SYT1: variants seen among roughly 807,000 people sequenced by gnomAD.
The protein encoded by SYT1 is synaptotagmin 1.
A neutral mutation model predicts 44.8 loss-of-function variants in SYT1; 8 were observed. That is an observed-to-expected ratio of 0.18 (90% CI 0.10 to 0.32). The LOEUF is 0.32. Ranked by LOEUF, SYT1 falls within the 10% of genes least tolerant of loss-of-function variation. The probability of loss-of-function intolerance (pLI) is 1.00; values close to 1 mark genes in which losing one functional copy is unlikely to be tolerated. For missense variants in SYT1, 286 were observed against 509.3 expected, an observed-to-expected ratio of 0.56 and a Z score of 4.22; for synonymous variants, 154 against 188.8, an observed-to-expected ratio of 0.82 and a Z score of 1.51.
At position 79,053,021 on chromosome 12, in the gene SYT1, G is replaced by T. The variant is rs557850096; in HGVS notation, c.-18+5659G>T. ...ACCATTACTGGGTATACACCCAAAG[G>T]ATTATAAATCATGCTGCTATAAAGA... On this transcript the variant is annotated intron_variant, in intron 3 of 10. Transcript: ENST00000261205. 7.2e-5 allele frequency among the ~76,000 whole-genome samples: 11 copies of T among 152,208 alleles called. No homozygotes were observed. In the South Asian group the frequency reaches 2.1e-3, roughly 29 times the overall value.
At position 79,237,489 on chromosome 12, in the gene SYT1, G is replaced by A. The variant is rs75624588; in HGVS notation, c.166+19804G>A. ...CTGTCAAAGACTATTGGGTAAAGTA[G>A]AACAGCAGTGTGTCATGGAAGCTAA... On this transcript the variant is annotated intron_variant, in intron 4 of 10. Transcript: ENST00000261205. 2.5e-3 allele frequency among the ~76,000 whole-genome samples: 383 copies of A among 152,262 alleles called. 4 individuals are homozygous for A. Among genetic ancestry groups the A allele is most frequent in the East Asian group, 0.021 (109 of 5,184 alleles).
chr12:79,223,900 C>G (rs1477398489), intron 4 of SYT1, among the ~76,000 whole-genome samples: 1 of 152,196 alleles, frequency 6.6e-6, no homozygotes, highest in Non-Finnish European at 1.5e-5. Context: ...TCGCTTCCCT[C>G]TCTTTCCCCC....
intron 9 of SYT1, among the ~76,000 whole-genome samples, chr12:79,399,511 G>A (rs780886003): frequency 6.6e-5 from 10 of 151,904 alleles, no homozygotes; most frequent in Non-Finnish European, 5.9e-5. Flanking sequence ...GTTTATAGTC[G>A]GAACAGTCTA....
chr12:78,956,636 T>A (rs1879233631), intron 1 of SYT1, among the ~76,000 whole-genome samples: 1 of 151,878 alleles, frequency 6.6e-6, no homozygotes. Context: ...TGTGCAGAGG[T>A]TCTGTATTTT....
intron 1 of SYT1, among the ~76,000 whole-genome samples, chr12:78,880,293 T>C (rs1874382645): frequency 1.3e-5 from 2 of 151,626 alleles, no homozygotes; most frequent in Non-Finnish European, 3.0e-5. Flanking sequence ...TTCCTCTGTA[T>C]TCTCTTTTGA....
chr12:79,035,707 A>G (rs1873085393), intron 2 of SYT1, among the ~76,000 whole-genome samples: 1 of 151,646 alleles, frequency 6.6e-6, no homozygotes, highest in African/African-American at 2.4e-5. Flanking sequence ...TGTACATAGA[A>G]TCATAAGAGA....
At chr12:78,941,174 G>A (rs562119711) in intron 1 of SYT1, among the ~76,000 whole-genome samples, 4 of 144,554 alleles carry the variant, frequency 2.8e-5, no homozygotes, top group Admixed American at 7.3e-5. Flanking sequence ...CCCAGTTCAC[G>A]CCATTCTTCT....
chr12:79,025,517 G>T (rs1452752383), intron 2 of SYT1, among the ~76,000 whole-genome samples: 2 of 151,534 alleles, frequency 1.3e-5, no homozygotes, highest in African/African-American at 4.8e-5. Context: ...CTAGTGAAAA[G>T]AACTCGAAGT....
intron 8 of SYT1, among the ~76,000 whole-genome samples, chr12:79,314,836 T>A (rs1881004460): frequency 6.6e-6 from 1 of 152,182 alleles, no homozygotes; most frequent in African/African-American, 2.4e-5. Context: ...AAGTGATGAA[T>A]GGATAAGCAA....
chr12:78,971,832 T>C (rs1208082841), intron 1 of SYT1, among the ~76,000 whole-genome samples: 4 of 152,260 alleles, frequency 2.6e-5, no homozygotes, highest in South Asian at 4.1e-4. Flanking sequence ...ACTATACTAC[T>C]AATACGCTGT....
intron 1 of SYT1, among the ~76,000 whole-genome samples, chr12:78,884,610 T>C (rs1452507172): frequency 6.6e-6 from 1 of 151,492 alleles, no homozygotes. Flanking sequence ...CTCTTTATCA[T>C]AATCTTAGAA....
At chr12:79,356,737 C>A (rs1038985978) in intron 9 of SYT1, among the ~76,000 whole-genome samples, 4 of 152,200 alleles carry the variant, frequency 2.6e-5, no homozygotes, top group African/African-American at 9.6e-5. Flanking sequence ...TTTAACTCTT[C>A]TAAGCCTCAG....
intron 3 of SYT1, among the ~76,000 whole-genome samples, chr12:79,140,906 C>A (rs1027602253): frequency 3.9e-5 from 6 of 152,160 alleles, no homozygotes. Context: ...GTCCTCTAGT[C>A]ACTACCTCAC....
At chr12:79,373,967 C>A (rs780464722) in intron 9 of SYT1, among the ~76,000 whole-genome samples, 2 of 152,142 alleles carry the variant, frequency 1.3e-5, no homozygotes, top group Non-Finnish European at 2.9e-5. Context: ...AGTTTGGTTA[C>A]AATTAAATAA....
At chr12:79,100,702 C>T (rs1230244026) in intron 3 of SYT1, among the ~76,000 whole-genome samples, 4 of 152,148 alleles carry the variant, frequency 2.6e-5, no homozygotes, top group African/African-American at 9.6e-5. Context: ...AGTCAGAAAA[C>T]AATAAATGAG....
intron 3 of SYT1, among the ~76,000 whole-genome samples, chr12:79,201,346 A>G (rs1234510107): frequency 6.6e-6 from 1 of 152,222 alleles, no homozygotes; most frequent in East Asian, 1.9e-4. Context: ...ATCTGAAAAT[A>G]TCTTTAGATC....
At chr12:79,233,030 T>G (rs1875962395) in intron 4 of SYT1, among the ~76,000 whole-genome samples, 1 of 152,226 alleles carries the variant, frequency 6.6e-6, no homozygotes, top group Admixed American at 6.5e-5. Flanking sequence ...TTTAACATTA[T>G]CATCTTCTGT....
chr12:79,157,249 A>G (rs1870655884), intron 3 of SYT1, among the ~76,000 whole-genome samples: 1 of 152,200 alleles, frequency 6.6e-6, no homozygotes, highest in Non-Finnish European at 1.5e-5. Flanking sequence ...AGTGACCTTT[A>G]AAAGCACCAC....
intron 8 of SYT1, 124 bp from the exon 9 acceptor site, chr12:79,353,377 TG>T: frequency 2.8e-6 from 2 of 712,442 alleles, no homozygotes; most frequent in Non-Finnish European, 4.8e-6. Flanking sequence ...TAAATGCCAA[TG>T]GACCTACAAT....
Sources: allele counts gnomAD v4.1 joint callset (sites outside exome capture counted in the v4.1 genomes callset), GRCh38; gene constraint gnomAD v4.1.1; transcripts MANE v1.5; gene names NCBI Gene and HGNC (gene_info 2026-07-23, HGNC 2026-07-21).